The following SLC2A14 variants were observed in gnomAD, a reference collection of about 807,000 sequenced individuals.
SLC2A14 encodes solute carrier family 2 member 14, also known as solute carrier family 2, facilitated glucose transporter member 14.
A neutral mutation model predicts 43.0 loss-of-function variants in SLC2A14; 13 were observed. That is an observed-to-expected ratio of 0.30 (90% CI 0.20 to 0.48). SLC2A14 has a LOEUF of 0.48. Ranked by LOEUF, SLC2A14 falls within the 20% of genes least tolerant of loss-of-function variation. The pLI is 0.99. For missense variants in SLC2A14, 428 were observed against 620.4 expected (o/e 0.69, Z 3.29); for synonymous variants, 190 against 233.8 (o/e 0.81, Z 1.71).
At chr12:7,874,788 A>AATACATATCTAAATATGTATATAAAAATT (rs1218339596), upstream of SLC2A14, among the ~76,000 whole-genome samples, 3 of 48,856 alleles carry the variant, frequency 6.1e-5, no homozygotes, top group Non-Finnish European at 1.2e-4. Flanking sequence ...TAAATATATA[A>AATACATATCTAAATATGTATATAAAAATT]ATATATAAAT....
chr12:7,875,506 T>C (rs899093958), upstream of SLC2A14, among the ~76,000 whole-genome samples: 1 of 149,226 alleles, frequency 6.7e-6, no homozygotes, highest in African/African-American at 2.5e-5. Flanking sequence ...AGACTCCCTT[T>C]CAAAAAAAAA....
Position 7,812,728 on chromosome 12 carries a change from G to T in SLC2A14, c.*1588C>A, listed in dbSNP as rs1179076579. 6.6e-6 allele frequency: 1 copy of T among 152,168 alleles called. No individual in the cohort carries two copies. Among genetic ancestry groups the T allele is most frequent in the South Asian group, 2.1e-4 (1 of 4,824 alleles). The allele number at this position is 152,168 out of a possible 1,614,324, so 9.4% of individuals were successfully genotyped here. A position where few individuals can be genotyped will look rare whatever the true frequency, so the allele number is the denominator to read the frequency against. On this transcript the variant is annotated 3_prime_UTR_variant, in exon 11 of 11. Coordinates refer to ENST00000431042, the MANE Select transcript of SLC2A14 (RefSeq NM_001286234.2). ...TAGCTACGTGCATTTTTATTCAAAGGCTCCAGGAGCAGAGGGAACAGTGAG... is the reference window on the plus strand; with the variant it reads ...TAGCTACGTGCATTTTTATTCAAAGTCTCCAGGAGCAGAGGGAACAGTGAG...
intron 2 of SLC2A14, among the ~76,000 whole-genome samples, chr12:7,833,274 G>A (rs1254729226): frequency 6.6e-6 from 1 of 152,172 alleles, no homozygotes; most frequent in Non-Finnish European, 1.5e-5. Flanking sequence ...GGTAGGGGGA[G>A]GTGGTAGTAG....
chr12:7,882,449 C>T (rs945380288), intron 1 of SLC2A14, among the ~76,000 whole-genome samples: 3 of 152,088 alleles, frequency 2.0e-5, no homozygotes, highest in Admixed American at 6.6e-5. Context: ...GTCAGTGAGA[C>T]CAAGAATCCC....
Position 7,884,819 on chromosome 12 carries a change from C to A in SLC2A14, c.132+6177G>T, listed in dbSNP as rs934616536. Among the ~76,000 whole-genome samples, 3 of 152,134 alleles carry A rather than the reference C, an allele frequency of 2.0e-5. No homozygotes were observed. The South Asian group carries it at 6.2e-4, about 32-fold the overall frequency. On this transcript the variant is annotated intron_variant, in intron 1 of 9. Coordinates refer to the SLC2A14 transcript ENST00000539924. ...TTCTTAGATGTTTCTCCTCTCCCTG[C>A]GGGCTAGACTTACTAGGAGTTAAAA...
At position 7,890,996 on chromosome 12, in the gene SLC2A14, C is replaced by T. The variant is rs1221894833; in HGVS notation, c.132G>A (p.Glu44=). 5.9e-6 allele frequency: 9 copies of T among 1,534,232 alleles called. No homozygotes were observed. The African/African-American group carries it at 6.8e-5, about 12-fold the overall frequency. The change falls in exon 1 of 10, where the codon GAG becomes GAA. Residue 44 remains glutamate, a splice_region_variant and synonymous_variant. Transcript: ENST00000539924. ...GCATGATCTATCTAGTTCCACTTAC[C>T]TCCTCCCCGACGCCCCCATTCTGAC... is the stretch of plus-strand genomic sequence containing the variant.
At chr12:7,879,290 C>T (rs1945522853) in intron 1 of SLC2A14, among the ~76,000 whole-genome samples, 1 of 142,074 alleles carries the variant, frequency 7.0e-6, no homozygotes, top group South Asian at 2.2e-4. Context: ...CCTGGAAAAC[C>T]TAGCAAGACC....
At chr12:7,832,211 T>C (rs1263845742) in intron 3 of SLC2A14, among the ~76,000 whole-genome samples, 2 of 152,176 alleles carry the variant, frequency 1.3e-5, no homozygotes, top group Non-Finnish European at 2.9e-5. Flanking sequence ...ATATTGGAAT[T>C]AATGTTAACT....
chr12:7,822,076 G>A (rs762926634), intron 7 of SLC2A14, among the ~76,000 whole-genome samples: 13 of 151,042 alleles, frequency 8.6e-5, no homozygotes, highest in African/African-American at 2.7e-4. Flanking sequence ...CGCCCGCCTC[G>A]GCCTCCCAAA....
At chr12:7,846,457 C>T (rs184444711) in intron 2 of SLC2A14, among the ~76,000 whole-genome samples, 1 of 150,612 alleles carries the variant, frequency 6.6e-6, no homozygotes, top group Admixed American at 6.6e-5. Context: ...CATTCTGGTC[C>T]TAAATAAGAG....
At chr12:7,858,500 C>T (rs1469237011) in intron 2 of SLC2A14, among the ~76,000 whole-genome samples, 1 of 152,034 alleles carries the variant, frequency 6.6e-6, no homozygotes, top group Non-Finnish European at 1.5e-5. Flanking sequence ...TTTTAATTTT[C>T]TTTTCTTTTT....
intron 2 of SLC2A14, among the ~76,000 whole-genome samples, chr12:7,864,088 T>C (rs1944774444): frequency 6.6e-6 from 1 of 151,956 alleles, no homozygotes; most frequent in African/African-American, 2.4e-5. Context: ...AGTGCTGGGA[T>C]TACAGGTGTC....
upstream of SLC2A14, chr12:7,891,165 C>A (rs912135161): frequency 4.6e-6 from 7 of 1,524,532 alleles, 1 homozygote; most frequent in Admixed American, 1.4e-4. Flanking sequence ...GCAAAGCCAG[C>A]TGCTCCCAGT....
intron 5 of SLC2A14, 76 bp downstream of exon 5, chr12:7,829,690 C>G: frequency 6.4e-7 from 1 of 1,562,420 alleles, no homozygotes; most frequent in Non-Finnish European, 8.7e-7. Flanking sequence ...AGATATTCTT[C>G]AGTGCTTTAC....
At chr12:7,871,006 CA>C in intron 1 of SLC2A14, 1 of 1,436,610 alleles carries the variant, frequency 7.0e-7, no homozygotes, top group Non-Finnish European at 9.4e-7. Flanking sequence ...GCTTCAATGA[CA>C]AGGGGGACAG....
At chr12:7,856,436 A>T (rs1037827748) in intron 2 of SLC2A14, 1 of 152,126 alleles carries the variant, frequency 6.6e-6, no homozygotes, top group Non-Finnish European at 1.5e-5. Context: ...CAGTTATTGC[A>T]CTCCAGCCAG....
At position 7,826,865 on chromosome 12, in the gene SLC2A14, CTT is replaced by C. The variant is rs1491388910; in HGVS notation, c.864+628_864+629del. 1.3e-4 allele frequency among the ~76,000 whole-genome samples: 2 copies of C among 15,478 alleles called. 1 individual carries two copies. Among genetic ancestry groups the C allele is most frequent in the Admixed American group, 1.1e-3 (2 of 1,802 alleles). 10.2% of individuals were successfully genotyped at this position (15,478 alleles called of 152,430 possible). On this transcript the variant is annotated intron_variant, in intron 7 of 10. Coordinates refer to ENST00000431042, the MANE Select transcript of SLC2A14 (RefSeq NM_001286234.2). ...TCCTTCCTTCCTTCCTTTCTTTTTT[CTT>C]TCTTTCTTTCTTTCTTTCTTTCTTT...
At chr12:7,826,876 TC>T (rs112745802) in intron 7 of SLC2A14, among the ~76,000 whole-genome samples, 3,089 of 60,662 alleles carry the variant, frequency 0.051, 336 homozygotes, top group African/African-American at 0.06. Flanking sequence ...TTTCTTTCTT[TC>T]TTTCTTTCTT....
chr12:7,836,769 G>A (rs1329277671), intron 2 of SLC2A14, among the ~76,000 whole-genome samples: 1 of 151,980 alleles, frequency 6.6e-6, no homozygotes, highest in Non-Finnish European at 1.5e-5. Flanking sequence ...CCGGGAGGCG[G>A]ACATTACAGT....
Sources: allele counts gnomAD v4.1 joint callset (sites outside exome capture counted in the v4.1 genomes callset), GRCh38; gene constraint gnomAD v4.1.1; transcripts MANE v1.5; gene names NCBI Gene and HGNC (gene_info 2026-07-23, HGNC 2026-07-21).